CDYL2: variants seen among roughly 807,000 people sequenced by gnomAD.
The protein encoded by CDYL2 is chromodomain Y-like protein 2.
In CDYL2, 23 loss-of-function variants were observed where a neutral mutation model predicts 49.4. The observed-to-expected ratio is 0.47, with a 90% confidence interval of 0.34 to 0.66. The LOEUF is 0.66. Ranked by LOEUF, CDYL2 falls within the 30% of genes least tolerant of loss-of-function variation. The pLI, the probability that CDYL2 is intolerant of heterozygous loss-of-function variation, is 0.01. For missense variants in CDYL2, 678 were observed against 656.4 expected (o/e 1.03, Z -0.36); for synonymous variants, 360 against 268.8 (o/e 1.34, Z -3.32).
chr16:80,643,213 T>C (rs1908179991), intron 2 of CDYL2, among the ~76,000 whole-genome samples: 1 of 152,186 alleles, frequency 6.6e-6, no homozygotes, highest in Non-Finnish European at 1.5e-5. Context: ...AGTCAAATTT[T>C]AAAGCTCCAA....
chr16:80,693,056 A>C (rs1910479415), intron 1 of CDYL2, among the ~76,000 whole-genome samples: 1 of 148,128 alleles, frequency 6.8e-6, no homozygotes. Context: ...AAGGGGCCAG[A>C]CTCAGAAGAC....
intron 2 of CDYL2, among the ~76,000 whole-genome samples, chr16:80,646,666 G>A (rs1402136830): frequency 1.3e-5 from 2 of 152,106 alleles, no homozygotes; most frequent in African/African-American, 4.8e-5. Context: ...GCGTGTGCCT[G>A]TAATCCCAGG....
intron 2 of CDYL2, among the ~76,000 whole-genome samples, chr16:80,655,869 T>G (rs1908786878): frequency 6.6e-6 from 1 of 152,068 alleles, no homozygotes; most frequent in Non-Finnish European, 1.5e-5. Flanking sequence ...GAGGTCCCTC[T>G]CCTTCAGGAG....
In CDYL2 at chr16:80,601,848, G is replaced by T. The variant is rs997374966; in HGVS notation, c.*2540C>A. 2.6e-5 allele frequency: 4 copies of T among 152,144 alleles called. No individual in the cohort carries two copies. Among genetic ancestry groups the T allele is most frequent in the Non-Finnish European group, 5.9e-5 (4 of 68,034 alleles). The allele number at this position is 152,144 out of a possible 1,614,324, so 9.4% of individuals were successfully genotyped here. On this transcript the variant is annotated 3_prime_UTR_variant, in exon 7 of 7. Transcript: ENST00000570137. ...CAGCAAGATTTCCACCTTAGAAATG[G>T]TTTCACATTCCTACCTTAATCTTCA...
At chr16:80,652,430 C>T (rs1908624236) in intron 2 of CDYL2, among the ~76,000 whole-genome samples, 1 of 152,126 alleles carries the variant, frequency 6.6e-6, no homozygotes, top group Non-Finnish European at 1.5e-5. Context: ...TCCATGAGTC[C>T]ATACTGCTTT....
At chr16:80,713,924 T>A (rs1904706743) in intron 1 of CDYL2, among the ~76,000 whole-genome samples, 1 of 151,896 alleles carries the variant, frequency 6.6e-6, no homozygotes, top group African/African-American at 2.4e-5. Flanking sequence ...AGAGCCAGGA[T>A]CAAACAGCAG....
intron 1 of CDYL2, among the ~76,000 whole-genome samples, chr16:80,770,174 T>C (rs1449013212): frequency 6.6e-6 from 1 of 152,146 alleles, no homozygotes; most frequent in African/African-American, 2.4e-5. Context: ...AACTAAAATA[T>C]ATTAAGCCAT....
At chr16:80,621,626 G>T (rs961347104) in intron 3 of CDYL2, among the ~76,000 whole-genome samples, 1 of 152,240 alleles carries the variant, frequency 6.6e-6, no homozygotes, top group South Asian at 2.1e-4. Flanking sequence ...TTATGCTATG[G>T]CCACCTGCAG....
intron 2 of CDYL2, among the ~76,000 whole-genome samples, chr16:80,678,408 T>C (rs1458107337): frequency 6.6e-6 from 1 of 151,992 alleles, no homozygotes; most frequent in Non-Finnish European, 1.5e-5. Context: ...CTCAAACAAA[T>C]TTACAAGAGA....
chr16:80,673,629 C>G (rs1909622458), intron 2 of CDYL2, among the ~76,000 whole-genome samples: 1 of 152,188 alleles, frequency 6.6e-6, no homozygotes, highest in Non-Finnish European at 1.5e-5. Context: ...CTTGCCCATT[C>G]AAGAATACAA....
At chr16:80,773,190 T>C (rs1906964150) in intron 1 of CDYL2, among the ~76,000 whole-genome samples, 1 of 152,178 alleles carries the variant, frequency 6.6e-6, no homozygotes, top group Non-Finnish European at 1.5e-5. Flanking sequence ...ACAAAAAGTT[T>C]AACTAGAGTT....
intron 2 of CDYL2, among the ~76,000 whole-genome samples, chr16:80,652,208 G>A (rs987805365): frequency 6.6e-6 from 1 of 152,118 alleles, no homozygotes; most frequent in African/African-American, 2.4e-5. Flanking sequence ...AAACTCTGGA[G>A]CAATGGCTGA....
chr16:80,799,514 C>CA (rs988110363), intron 1 of CDYL2, among the ~76,000 whole-genome samples: 2 of 152,194 alleles, frequency 1.3e-5, no homozygotes, highest in African/African-American at 4.8e-5. Flanking sequence ...CAACCACACC[C>CA]ACACTTCTTT....
intron 2 of CDYL2, among the ~76,000 whole-genome samples, chr16:80,656,979 G>A (rs1390479267): frequency 2.0e-5 from 3 of 152,208 alleles, no homozygotes; most frequent in African/African-American, 7.2e-5. Context: ...CACGGCTAAG[G>A]CTTTATTAGG....
At chr16:80,743,942 T>C (rs994262993) in intron 1 of CDYL2, among the ~76,000 whole-genome samples, 2 of 152,106 alleles carry the variant, frequency 1.3e-5, no homozygotes, top group Non-Finnish European at 2.9e-5. Flanking sequence ...GACTGTACTA[T>C]TCCTCCTGCC....
chr16:80,634,517 A>G (rs73583645), intron 2 of CDYL2, among the ~76,000 whole-genome samples: 8,946 of 152,236 alleles, frequency 0.059, 802 homozygotes, highest in African/African-American at 0.2. Context: ...CATGGGTGAG[A>G]GATAGTATTA....
intron 1 of CDYL2, among the ~76,000 whole-genome samples, chr16:80,701,349 G>A (rs1904299938): frequency 6.6e-6 from 1 of 152,186 alleles, no homozygotes; most frequent in Non-Finnish European, 1.5e-5. Context: ...GGGAGTGGAT[G>A]CAGGGGAAGA....
At chr16:80,609,961 TCTC>T (rs1906521220) in intron 5 of CDYL2, among the ~76,000 whole-genome samples, 1 of 152,038 alleles carries the variant, frequency 6.6e-6, no homozygotes, top group African/African-American at 2.4e-5. Context: ...GCCTCAATCT[TCTC>T]TGCTGTCCAG....
At chr16:80,669,920 T>C (rs1909429954) in intron 2 of CDYL2, among the ~76,000 whole-genome samples, 2 of 152,276 alleles carry the variant, frequency 1.3e-5, no homozygotes, top group Admixed American at 6.5e-5. Flanking sequence ...GCCAGACACA[T>C]GCTCTGAGGA....
Sources: gnomAD v4.1 joint callset for allele counts (sites outside exome capture counted in the v4.1 genomes callset) on GRCh38, gnomAD v4.1.1 for gene constraint, MANE v1.5 for transcripts, NCBI Gene and HGNC (gene_info 2026-07-23, HGNC 2026-07-21) for gene names.